ZNF385D: variants seen among roughly 807,000 people sequenced by gnomAD.
ZNF385D encodes zinc finger protein 659.
A neutral mutation model predicts 35.8 loss-of-function variants in ZNF385D; 15 were observed. The ratio of observed to expected loss-of-function variants is 0.42; its 90% confidence interval spans 0.28 to 0.64. ZNF385D has a LOEUF of 0.64. ZNF385D is among the 30% of genes least tolerant of loss of function. The pLI, the probability that ZNF385D is intolerant of heterozygous loss-of-function variation, is 0.23. For missense variants in ZNF385D, 474 were observed against 494.6 expected (o/e 0.96, Z 0.39); for synonymous variants, 212 against 186.8 (o/e 1.13, Z -1.10).
intron 1 of ZNF385D, among the ~76,000 whole-genome samples, chr3:21,690,286 A>G (rs2067240392): frequency 6.6e-6 from 1 of 151,860 alleles, no homozygotes; most frequent in Non-Finnish European, 1.5e-5. Context: ...CATATAACGA[A>G]AATTCAAAGA....
At chr3:22,009,451 G>A (rs1268861827) in intron 3 of ZNF385D, among the ~76,000 whole-genome samples, 1 of 151,894 alleles carries the variant, frequency 6.6e-6, no homozygotes, top group Non-Finnish European at 1.5e-5. Context: ...GTGAAACCCC[G>A]TCTCTACTAA....
chr3:21,813,310 C>A (rs980161999), intron 3 of ZNF385D, among the ~76,000 whole-genome samples: 2 of 152,220 alleles, frequency 1.3e-5, no homozygotes, highest in African/African-American at 4.8e-5. Context: ...AGGAACACAG[C>A]TCCTCGCCAG....
intron 3 of ZNF385D, among the ~76,000 whole-genome samples, chr3:22,083,530 GA>G (rs1192023106): frequency 6.6e-6 from 1 of 152,058 alleles, no homozygotes; most frequent in Non-Finnish European, 1.5e-5. Context: ...GAAGTTTAGA[GA>G]AAAAAGAGTA....
intron 2 of ZNF385D, among the ~76,000 whole-genome samples, chr3:21,623,199 A>G: frequency 6.6e-6 from 1 of 152,128 alleles, no homozygotes; most frequent in South Asian, 2.1e-4. Flanking sequence ...CCAAAGAGAT[A>G]ATGTAGTTCA....
At chr3:22,146,279 A>G (rs1321889340) in intron 3 of ZNF385D, among the ~76,000 whole-genome samples, 1 of 152,214 alleles carries the variant, frequency 6.6e-6, no homozygotes, top group Non-Finnish European at 1.5e-5. Context: ...TTTAATAGCT[A>G]TAGTTAGAAT....
At position 22,233,531 on chromosome 3, in the gene ZNF385D, G is replaced by A. The variant is rs559443905; in HGVS notation, c.107-64496C>T. On this transcript the variant is annotated intron_variant, in intron 2 of 5. Coordinates refer to the ZNF385D transcript ENST00000494108. ...TATAGGAATCAAAGCTTATAGAAGT[G>A]TACACTTAAAATATGTGCGTATTAT... Among the ~76,000 whole-genome samples the A allele has an allele frequency of 3.4e-4, 51 of 152,184 alleles. 1 individual carries two copies. The highest frequency in any genetic ancestry group is 1.1e-3 in the African/African-American group (47 of 41,540).
chr3:21,961,149 C>T (rs1472296809), intron 3 of ZNF385D, among the ~76,000 whole-genome samples: 1 of 151,806 alleles, frequency 6.6e-6, no homozygotes, highest in Non-Finnish European at 1.5e-5. Context: ...ACACTGTATA[C>T]ATGTATAAAA....
intron 1 of ZNF385D, among the ~76,000 whole-genome samples, chr3:21,682,488 G>A (rs2066948227): frequency 1.3e-5 from 2 of 150,354 alleles, no homozygotes; most frequent in South Asian, 4.2e-4. Context: ...ACTTAAGACA[G>A]AAAAAGCCAT....
At chr3:21,636,388 A>ATGATTATATATATATGAT (rs367979581) in intron 2 of ZNF385D, among the ~76,000 whole-genome samples, 129 of 43,406 alleles carry the variant, frequency 3.0e-3, no homozygotes, top group Non-Finnish European at 4.7e-3. Flanking sequence ...TTATATATAT[A>ATGATTATATATATATGAT]TATATATATA....
At chr3:21,792,959 T>A (rs1342223768) in intron 3 of ZNF385D, among the ~76,000 whole-genome samples, 2 of 152,206 alleles carry the variant, frequency 1.3e-5, no homozygotes, top group Admixed American at 6.5e-5. Flanking sequence ...CAATGGACCC[T>A]CCTCAGGAAA....
chr3:21,863,304 T>C (rs1231840144), intron 3 of ZNF385D, among the ~76,000 whole-genome samples: 5 of 152,192 alleles, frequency 3.3e-5, no homozygotes, highest in South Asian at 2.1e-4. Flanking sequence ...CCAAAATTGT[T>C]GACATTCTTT....
At chr3:21,927,457 G>C (rs74833546) in intron 3 of ZNF385D, among the ~76,000 whole-genome samples, 1 of 152,022 alleles carries the variant, frequency 6.6e-6, no homozygotes, top group Admixed American at 6.6e-5. Flanking sequence ...AAAACAACTC[G>C]TATGTTCTTC....
At chr3:22,097,330 G>C (rs914611719) in intron 3 of ZNF385D, among the ~76,000 whole-genome samples, 1 of 152,040 alleles carries the variant, frequency 6.6e-6, no homozygotes, top group Non-Finnish European at 1.5e-5. Context: ...ATATGGTGTT[G>C]GGTTTGGAAC....
At chr3:22,336,937 A>AAAAAAAAAAAAT (rs1553651285) in intron 2 of ZNF385D, among the ~76,000 whole-genome samples, 1 of 144,674 alleles carries the variant, frequency 6.9e-6, no homozygotes, top group Non-Finnish European at 1.5e-5. Context: ...AAAAAAAAAA[A>AAAAAAAAAAAAT]CCCTTACTGT....
chr3:22,128,444 A>G (rs988311334), intron 3 of ZNF385D, among the ~76,000 whole-genome samples: 1 of 152,210 alleles, frequency 6.6e-6, no homozygotes, highest in African/African-American at 2.4e-5. Flanking sequence ...TAGGTTTAGA[A>G]AGTTCTCTGT....
At chr3:22,320,709 T>C (rs1274779093) in intron 2 of ZNF385D, among the ~76,000 whole-genome samples, 2 of 151,440 alleles carry the variant, frequency 1.3e-5, no homozygotes, top group African/African-American at 4.9e-5. Flanking sequence ...TTTTAACATG[T>C]CTACTTTCTT....
intron 3 of ZNF385D, among the ~76,000 whole-genome samples, chr3:22,137,665 T>A (rs1335999006): frequency 1.3e-5 from 2 of 152,182 alleles, no homozygotes; most frequent in Non-Finnish European, 2.9e-5. Context: ...TGATGGGACG[T>A]ATCTCAAAAT....
chr3:21,731,025 T>C (rs796816255), intron 1 of ZNF385D, among the ~76,000 whole-genome samples: 43 of 152,324 alleles, frequency 2.8e-4, no homozygotes, highest in African/African-American at 1.0e-3. Context: ...TTTGGGAATA[T>C]ACAGTATATT....
intron 1 of ZNF385D, among the ~76,000 whole-genome samples, chr3:21,728,191 G>A (rs1575545096): frequency 6.6e-6 from 1 of 151,858 alleles, no homozygotes; most frequent in Admixed American, 6.6e-5. Flanking sequence ...TGTAAGTGAC[G>A]GGTTGATGGG....
Sources: allele counts gnomAD v4.1 joint callset (sites outside exome capture counted in the v4.1 genomes callset), GRCh38; gene constraint gnomAD v4.1.1; transcripts MANE v1.5; gene names NCBI Gene and HGNC (gene_info 2026-07-23, HGNC 2026-07-21).